Variants in IL15 observed in about 807,000 individuals in gnomAD.
IL15 encodes interleukin-15.
IL15 carries 11 observed loss-of-function variants against 19.6 expected under a neutral mutation model. The observed-to-expected ratio is 0.56, with a 90% CI of 0.35 to 0.93. The LOEUF is 0.93. Ranked by LOEUF, IL15 falls within the 40% of genes least tolerant of loss-of-function variation. The pLI, the probability that IL15 is intolerant of heterozygous loss-of-function variation, is 0.01. For missense variants in IL15, 197 were observed against 186.5 expected (o/e 1.06, Z -0.33); for synonymous variants, 58 against 59.6 (o/e 0.97, Z 0.12).
rs1343773132 is a variant in IL15 at position 141,685,865 on chromosome 4, A to T, written c.-100+29558A>T. ...CTCCTTCATTTCTTCATAACATTTA[A>T]AAATATCTTTGTATTTTGTTATTCT... On this transcript the variant is annotated intron_variant, in intron 2 of 7. Transcript: ENST00000320650. Among the ~76,000 whole-genome samples, 4 of 152,184 alleles carry T rather than the reference A, an allele frequency of 2.6e-5. No individual in the cohort carries two copies. In the East Asian group the frequency reaches 7.7e-4, roughly 29 times the overall value.
chr4:141,733,437 TAAAG>T lies in IL15; in HGVS notation c.*593_*596del, dbSNP rs1320654957. 6.6e-6 allele frequency: 1 copy of T among 152,210 alleles called. No individual in the cohort carries two copies. The highest frequency in any genetic ancestry group is 1.5e-5 in the Non-Finnish European group (1 of 68,050). The allele number at this position is 152,210 out of a possible 1,614,324, so 9.4% of individuals were successfully genotyped here. On this transcript the variant is annotated 3_prime_UTR_variant, in exon 8 of 8. Coordinates refer to ENST00000320650, the MANE Select transcript of IL15 (RefSeq NM_000585.5). ...GATGTATAAAGCAACTGTTATGAAATAAAGAAATTGCAATAACTGGCATATAATG... is the reference window on the plus strand; with the variant it reads ...GATGTATAAAGCAACTGTTATGAAATAAATTGCAATAACTGGCATATAATG...
intron 5 of IL15, among the ~76,000 whole-genome samples, chr4:141,727,548 TGTG>T (rs1339136887): frequency 6.6e-6 from 1 of 152,064 alleles, no homozygotes; most frequent in African/African-American, 2.4e-5. Flanking sequence ...GCAGAATCCT[TGTG>T]GTGATGAAAC....
chr4:141,641,495 A>G (rs1050853216), intron 1 of IL15, among the ~76,000 whole-genome samples: 2 of 152,128 alleles, frequency 1.3e-5, no homozygotes, highest in Non-Finnish European at 2.9e-5. Flanking sequence ...TATACACCAT[A>G]GAATACTATG....
At chr4:141,654,299 G>T (rs1055540996) in intron 1 of IL15, among the ~76,000 whole-genome samples, 1 of 152,194 alleles carries the variant, frequency 6.6e-6, no homozygotes, top group African/African-American at 2.4e-5. Context: ...AGGGAAGCAG[G>T]CCAGATTCCT....
chr4:141,653,200 C>T (rs1439159744), intron 1 of IL15, among the ~76,000 whole-genome samples: 1 of 152,224 alleles, frequency 6.6e-6, no homozygotes, highest in African/African-American at 2.4e-5. Flanking sequence ...AAATTATTTA[C>T]AGCCTCCTTT....
chr4:141,646,778 A>C (rs902141681), intron 1 of IL15, among the ~76,000 whole-genome samples: 1 of 152,070 alleles, frequency 6.6e-6, no homozygotes. Flanking sequence ...TTTTCATATA[A>C]GGGACTATGG....
At chr4:141,678,827 C>CT (rs1006005790) in intron 2 of IL15, among the ~76,000 whole-genome samples, 4 of 152,162 alleles carry the variant, frequency 2.6e-5, no homozygotes, top group African/African-American at 9.7e-5. Flanking sequence ...GCCTTGATCT[C>CT]TTGACCTTGT....
chr4:141,645,709 G>A (rs1437106929), intron 1 of IL15, among the ~76,000 whole-genome samples: 1 of 152,060 alleles, frequency 6.6e-6, no homozygotes, highest in Non-Finnish European at 1.5e-5. Flanking sequence ...AACACAAAGA[G>A]AATGACTTGT....
At chr4:141,639,361 A>C (rs1057174968) in intron 1 of IL15, among the ~76,000 whole-genome samples, 1 of 152,214 alleles carries the variant, frequency 6.6e-6, no homozygotes, top group African/African-American at 2.4e-5. Flanking sequence ...TGTGCAATTG[A>C]CATTATTATA....
rs1174733366 is a variant in IL15, at chr4:141,667,767, G to C, written c.-100+11460G>C. Among the ~76,000 whole-genome samples the C allele has an allele frequency of 2.0e-5, 3 of 152,134 alleles. No homozygotes were observed. The East Asian group carries it at 5.8e-4, about 29-fold the overall frequency. On this transcript the variant is annotated intron_variant, in intron 2 of 7. Transcript: ENST00000320650. ...CTTTTATAATGTGAGGTAATGCGGG[G>C]TGTATTTATTTTTTTCTTGGTATCC...
At position 141,729,939 on chromosome 4, in the gene IL15, A is replaced by G. The variant is rs1468144903; in HGVS notation, c.333A>G (p.Val111=). The G allele has an allele frequency of 6.2e-7, 1 of 1,603,542 alleles. No homozygotes were observed. ...GAGATGCAAGTATTCATGATACAGT[A>G]GAAAATCTGATCATCCTAGCAAACA... The part of the protein sequence containing the change: ...ESGDASIHDT[V]ENLIILANNS... The change falls in exon 7 of 8, where the codon GTA becomes GTG. Residue 111 remains valine, a synonymous_variant. Coordinates refer to ENST00000320650, the MANE Select transcript of IL15 (RefSeq NM_000585.5).
chr4:141,647,223 C>A (rs569125619), intron 1 of IL15, among the ~76,000 whole-genome samples: 1 of 151,988 alleles, frequency 6.6e-6, no homozygotes, highest in Admixed American at 6.6e-5. Context: ...TCAGAGAATG[C>A]CGAAGATTTT....
intron 2 of IL15, among the ~76,000 whole-genome samples, chr4:141,669,345 G>A (rs941267529): frequency 6.6e-6 from 1 of 152,174 alleles, no homozygotes; most frequent in Non-Finnish European, 1.5e-5. Flanking sequence ...TGGTTGTGTG[G>A]TGAAAGTAGT....
intron 5 of IL15, among the ~76,000 whole-genome samples, chr4:141,725,807 C>G (rs1401140811): frequency 6.6e-6 from 1 of 152,114 alleles, no homozygotes; most frequent in African/African-American, 2.4e-5. Context: ...TTTTCTGTTG[C>G]TTATAACAGA....
intron 1 of IL15, among the ~76,000 whole-genome samples, chr4:141,646,314 T>C (rs1727222981): frequency 6.6e-6 from 1 of 152,096 alleles, no homozygotes; most frequent in Non-Finnish European, 1.5e-5. Flanking sequence ...TGCCATCTGC[T>C]ACTCTTCCCT....
intron 2 of IL15, among the ~76,000 whole-genome samples, chr4:141,656,561 A>G (rs1727604927): frequency 6.6e-6 from 1 of 152,176 alleles, no homozygotes; most frequent in African/African-American, 2.4e-5. Flanking sequence ...TGAGAGTCAA[A>G]TGCTCACTGT....
Position 141,652,051 on chromosome 4 carries a change from G to A in IL15, c.-221-4135G>A, listed in dbSNP as rs191784853. Among the ~76,000 whole-genome samples the A allele has an allele frequency of 1.6e-3, 239 of 152,190 alleles. 2 individuals are homozygous for A. Among genetic ancestry groups the A allele is most frequent in the African/African-American group, 5.6e-3 (231 of 41,542 alleles). ...GGATGAGGCATGCCAAGTGTTTGAT[G>A]TCTACAAAAACCATTTTCCTTAGAC... On this transcript the variant is annotated intron_variant, in intron 1 of 7. Transcript: ENST00000320650.
At chr4:141,661,307 G>A (rs947366600) in intron 2 of IL15, among the ~76,000 whole-genome samples, 3 of 152,188 alleles carry the variant, frequency 2.0e-5, no homozygotes, top group Non-Finnish European at 4.4e-5. Flanking sequence ...TTTTGAGTGG[G>A]AGCTAAACTC....
At chr4:141,692,223 G>A (rs1268380001) in intron 2 of IL15, among the ~76,000 whole-genome samples, 1 of 152,198 alleles carries the variant, frequency 6.6e-6, no homozygotes, top group African/African-American at 2.4e-5. Context: ...GCTGCACAAA[G>A]GAGTTGGGCC....
Sources: gnomAD v4.1 joint callset for allele counts (sites outside exome capture counted in the v4.1 genomes callset) on GRCh38, gnomAD v4.1.1 for gene constraint, MANE v1.5 for transcripts, NCBI Gene and HGNC (gene_info 2026-07-23, HGNC 2026-07-21) for gene names.